Variants in AMMECR1 observed in about 807,000 individuals in gnomAD.
AMMECR1 encodes the protein nuclear protein AMMECR1.
A neutral mutation model predicts 22.5 loss-of-function variants in AMMECR1; 3 were observed. The ratio of observed to expected loss-of-function variants is 0.13; its 90% CI spans 0.06 to 0.35. AMMECR1 has a LOEUF of 0.35. AMMECR1 is among the 10% of genes least tolerant of loss of function. AMMECR1 has a pLI of 1.00. For synonymous variants in AMMECR1, 130 were observed against 116.7 expected, an observed-to-expected ratio of 1.11 and a Z score of -0.74; for missense variants, 235 against 278.7, an observed-to-expected ratio of 0.84 and a Z score of 1.12.
Position 110,264,486 on chromosome X carries a change from C to T in AMMECR1, c.584+3G>A, listed in dbSNP as rs750464722. The T allele has an allele frequency of 6.1e-6, 7 of 1,146,638 alleles. No individual in the cohort carries two copies. In the African/African-American group the frequency reaches 1.3e-4, roughly 21 times the overall value. 94.5% of individuals were successfully genotyped at this position (1,146,638 alleles called of 1,213,427 possible). On this transcript the variant is annotated splice_donor_region_variant and intron_variant, in intron 2 of 5. Coordinates refer to ENST00000262844, the MANE Select transcript of AMMECR1 (RefSeq NM_015365.3). ...AGCAGAGGTAACAAAAATTGGTCTT[C>T]ACCTGGTAAGTGTGTACTCCCTGAG... is the stretch of plus-strand genomic sequence containing the variant.
rs2067376278 is a variant in AMMECR1, at chrX:110,197,472, C to T, written c.*1048G>A. ...AAATTAATATAAAATAGACAAATGT[C>T]TCTTATTGGTTATTTGCTCAAAATA... On this transcript the variant is annotated 3_prime_UTR_variant, in exon 6 of 6. Transcript: ENST00000262844. The T allele has an allele frequency of 9.0e-6, 1 of 111,303 alleles. No individual in the cohort carries two copies. Among genetic ancestry groups the T allele is most frequent in the African/African-American group, 3.3e-5 (1 of 30,604 alleles). 9.2% of individuals were successfully genotyped at this position (111,303 alleles called of 1,213,427 possible). A position where few individuals can be genotyped will look rare whatever the true frequency, so the allele number is the denominator to read the frequency against.
intron 2 of AMMECR1, among the ~76,000 whole-genome samples, chrX:110,337,741 T>A (rs1236393593): frequency 8.9e-6 from 1 of 112,251 alleles, no homozygotes; most frequent in Non-Finnish European, 1.9e-5. Flanking sequence ...TTGAAAACAG[T>A]GTCTTGAAGA....
intron 1 of AMMECR1, among the ~76,000 whole-genome samples, chrX:110,312,713 T>G (rs1201429623): frequency 8.9e-6 from 1 of 112,236 alleles, no homozygotes; most frequent in African/African-American, 3.2e-5. Context: ...ACTGGGGACA[T>G]GCCTGCCTTC....
chrX:110,289,105 A>T (rs2148211808), intron 1 of AMMECR1, among the ~76,000 whole-genome samples: 1 of 112,136 alleles, frequency 8.9e-6, no homozygotes, highest in South Asian at 3.7e-4. Context: ...ATAATTCAAA[A>T]CTGTCCATGA....
chrX:110,224,537 TA>T (rs2067522065), intron 2 of AMMECR1, among the ~76,000 whole-genome samples: 1 of 110,345 alleles, frequency 9.1e-6, no homozygotes, highest in Non-Finnish European at 1.9e-5. Context: ...AAAAAAAAGA[TA>T]TATATATATT....
intron 1 of AMMECR1, among the ~76,000 whole-genome samples, chrX:110,435,405 G>T (rs1054906408): frequency 2.7e-5 from 3 of 112,367 alleles, no homozygotes; most frequent in African/African-American, 9.7e-5. Flanking sequence ...CTGCTGCAGA[G>T]CTGGGAGCAC....
chrX:110,411,165 T>A (rs1036393230), intron 2 of AMMECR1, among the ~76,000 whole-genome samples: 1 of 112,023 alleles, frequency 8.9e-6, no homozygotes, highest in Non-Finnish European at 1.9e-5. Context: ...CCTCCGACAG[T>A]GAACCTTGGC....
chrX:110,225,039 A>G, intron 2 of AMMECR1: 1 of 374,307 alleles, frequency 2.7e-6, no homozygotes, highest in Non-Finnish European at 5.2e-6. Context: ...ATTGGCTGAC[A>G]ATGTCGTCTG....
At chrX:110,322,574 G>A (rs1291715258), upstream of AMMECR1, among the ~76,000 whole-genome samples, 1 of 111,673 alleles carries the variant, frequency 9.0e-6, no homozygotes, top group East Asian at 2.8e-4. Context: ...GTTGGTTGGA[G>A]GCACAGTTTT....
chrX:110,208,212 G>A lies in AMMECR1; in HGVS notation c.700-5676C>T, dbSNP rs779240547. On this transcript the variant is annotated intron_variant, in intron 3 of 5. Coordinates refer to ENST00000262844, the MANE Select transcript of AMMECR1 (RefSeq NM_015365.3). ...TATTTTCAAATATCCTTTGAGATGC[G>A]TTTAGAAGCAGAATACCAGAAACAT... is the stretch of plus-strand genomic sequence containing the variant. Among the ~76,000 whole-genome samples the A allele has an allele frequency of 3.0e-4, 34 of 112,024 alleles. 1 individual carries two copies. The South Asian group carries it at 9.6e-3, about 32-fold the overall frequency.
chrX:110,425,920 GCT>G (rs1278842803), intron 2 of AMMECR1, among the ~76,000 whole-genome samples: 2 of 112,314 alleles, frequency 1.8e-5, no homozygotes, highest in East Asian at 2.8e-4. Flanking sequence ...TTTATTGAGT[GCT>G]CTGTGTCAGC....
intron 2 of AMMECR1, among the ~76,000 whole-genome samples, chrX:110,327,812 A>G (rs966508547): frequency 8.9e-6 from 1 of 111,811 alleles, no homozygotes; most frequent in Non-Finnish European, 1.9e-5. Flanking sequence ...CTTACAAGCA[A>G]TTCTTGAACA....
intron 1 of AMMECR1, among the ~76,000 whole-genome samples, chrX:110,428,924 G>A (rs186137444): frequency 3.2e-4 from 36 of 112,321 alleles, no homozygotes; most frequent in Admixed American, 2.9e-3. Context: ...CGATGCGACG[G>A]CACAGGTCTG....
intron 1 of AMMECR1, among the ~76,000 whole-genome samples, chrX:110,289,410 A>T (rs1015721340): frequency 8.9e-6 from 1 of 112,220 alleles, no homozygotes; most frequent in Admixed American, 9.4e-5. Context: ...GATTATACTC[A>T]TAGACACACA....
chrX:110,336,835 A>G (rs1383357926), intron 2 of AMMECR1, among the ~76,000 whole-genome samples: 1 of 111,910 alleles, frequency 8.9e-6, no homozygotes, highest in East Asian at 2.8e-4. Context: ...GGATAGGCTT[A>G]TGGGATGAAC....
intron 1 of AMMECR1, among the ~76,000 whole-genome samples, chrX:110,292,517 A>G (rs1970538692): frequency 8.9e-6 from 1 of 112,360 alleles, no homozygotes; most frequent in African/African-American, 3.2e-5. Context: ...AGACAATGGA[A>G]TATTACTCAG....
intron 2 of AMMECR1, among the ~76,000 whole-genome samples, chrX:110,238,062 TA>T (rs1190921372): frequency 8.9e-6 from 1 of 111,967 alleles, no homozygotes; most frequent in African/African-American, 3.2e-5. Context: ...TGTAACATCA[TA>T]ATTACAAATC....
At chrX:110,343,517 A>G (rs962902996) in intron 2 of AMMECR1, among the ~76,000 whole-genome samples, 1 of 111,267 alleles carries the variant, frequency 9.0e-6, no homozygotes, top group African/African-American at 3.3e-5. Context: ...AGAAAGAAAT[A>G]AAGGGTATTC....
chrX:110,254,745 C>A (rs1351569190), intron 2 of AMMECR1, among the ~76,000 whole-genome samples: 1 of 112,143 alleles, frequency 8.9e-6, no homozygotes, highest in Non-Finnish European at 1.9e-5. Context: ...AACTTCCCTT[C>A]CATTTAAAAT....
Sources: allele counts gnomAD v4.1 joint callset (sites outside exome capture counted in the v4.1 genomes callset), GRCh38; gene constraint gnomAD v4.1.1; transcripts MANE v1.5; gene names NCBI Gene and HGNC (gene_info 2026-07-23, HGNC 2026-07-21).